Variants in KHDRBS3 observed in about 807,000 individuals in gnomAD.
KHDRBS3 encodes KH domain-containing, RNA-binding, signal transduction-associated protein 3.
In KHDRBS3, 23 loss-of-function variants were observed where a neutral mutation model predicts 45.6. That is an observed-to-expected ratio of 0.50 (90% confidence interval 0.36 to 0.72). The LOEUF is 0.72. Among genes scored for constraint, KHDRBS3 ranks in the 30% least tolerant of loss-of-function variants. The pLI is 0.00. For synonymous variants in KHDRBS3, 162 were observed against 156.5 expected (o/e 1.04, Z -0.26); for missense variants, 352 against 424.8 (o/e 0.83, Z 1.51).
chr8:135,467,406 A>G (rs1183661639), intron 1 of KHDRBS3, among the ~76,000 whole-genome samples: 2 of 152,258 alleles, frequency 1.3e-5, no homozygotes, highest in African/African-American at 4.8e-5. Flanking sequence ...TACAGTTCAC[A>G]TGCTGATGGC....
intron 2 of KHDRBS3, among the ~76,000 whole-genome samples, chr8:135,535,101 C>A (rs1022901219): frequency 1.3e-5 from 2 of 151,860 alleles, no homozygotes; most frequent in Admixed American, 6.6e-5. Context: ...AGTGGATAAC[C>A]AAGATAGCCT....
At chr8:135,591,703 T>G (rs1828752199) in intron 6 of KHDRBS3, among the ~76,000 whole-genome samples, 1 of 152,224 alleles carries the variant, frequency 6.6e-6, no homozygotes. Context: ...TATTTTTTAG[T>G]ATACATGTTG....
intron 1 of KHDRBS3, among the ~76,000 whole-genome samples, chr8:135,517,723 C>T (rs1317202139): frequency 6.6e-6 from 1 of 152,096 alleles, no homozygotes; most frequent in African/African-American, 2.4e-5. Context: ...TGTTTGACTC[C>T]CGCGATGGGG....
chr8:135,588,678 C>T (rs1422113634), intron 6 of KHDRBS3, among the ~76,000 whole-genome samples: 6 of 152,150 alleles, frequency 3.9e-5, no homozygotes, highest in Non-Finnish European at 5.9e-5. Context: ...AAACGCCCTC[C>T]TTTCACTTTT....
At position 135,513,008 on chromosome 8, in the gene KHDRBS3, C is replaced by T. The variant is rs145705708; in HGVS notation, c.89-8229C>T. Among the ~76,000 whole-genome samples, 913 of 151,790 alleles carry T rather than the reference C, an allele frequency of 6.0e-3. 7 individuals carry two copies. Among genetic ancestry groups the T allele is most frequent in the African/African-American group, 0.021 (890 of 41,424 alleles). Reference sequence around the variant, plus strand: ...CGGGCGGATGACAAGGTCAGGAGATCGAGACCACGGTGAAACCCCGTCTCT... The same window carrying T: ...CGGGCGGATGACAAGGTCAGGAGATTGAGACCACGGTGAAACCCCGTCTCT... On this transcript the variant is annotated intron_variant, in intron 1 of 8. Coordinates refer to ENST00000355849, the MANE Select transcript of KHDRBS3 (RefSeq NM_006558.3).
At chr8:135,560,602 C>T (rs1441481713) in intron 5 of KHDRBS3, among the ~76,000 whole-genome samples, 2 of 152,038 alleles carry the variant, frequency 1.3e-5, no homozygotes, top group African/African-American at 2.4e-5. Context: ...ATGTTATGAA[C>T]AGAGGAGGAA....
At chr8:135,505,329 G>C (rs1420144613) in intron 1 of KHDRBS3, among the ~76,000 whole-genome samples, 2 of 152,248 alleles carry the variant, frequency 1.3e-5, no homozygotes, top group Non-Finnish European at 2.9e-5. Flanking sequence ...CTGAGGCTTG[G>C]TCTGTCCTCC....
At position 135,631,455 on chromosome 8, in the gene KHDRBS3, G is replaced by T. The variant is rs796149679; in HGVS notation, c.891-13604G>T. 2.9e-3 allele frequency among the ~76,000 whole-genome samples: 421 copies of T among 147,440 alleles called. 5 individuals are homozygous for T. The highest frequency in any genetic ancestry group is 9.6e-3 in the African/African-American group (386 of 40,274). ...TTTCTGTTTTTAAACTAATGTTTTG[G>T]TTTTTTTTTTAACTTTTTAAACGTT... On this transcript the variant is annotated intron_variant, in intron 7 of 8. Coordinates refer to ENST00000355849, the MANE Select transcript of KHDRBS3 (RefSeq NM_006558.3).
At chr8:135,555,373 A>ATTTT (rs113293183) in intron 4 of KHDRBS3, among the ~76,000 whole-genome samples, 1 of 141,020 alleles carries the variant, frequency 7.1e-6, no homozygotes, top group African/African-American at 2.6e-5. Flanking sequence ...AAACATTGAG[A>ATTTT]TTTTTTTTTT....
chr8:135,549,672 A>T (rs181949541), intron 4 of KHDRBS3: 13 of 152,348 alleles, frequency 8.5e-5, no homozygotes, highest in African/African-American at 3.1e-4. Flanking sequence ...GGCTCTGCAG[A>T]CAATTTATTT....
chr8:135,488,654 G>A (rs1000260043), intron 1 of KHDRBS3, among the ~76,000 whole-genome samples: 3 of 152,156 alleles, frequency 2.0e-5, no homozygotes, highest in Non-Finnish European at 4.4e-5. Context: ...ATATGAGGAA[G>A]CAAGCCTACT....
intron 6 of KHDRBS3, among the ~76,000 whole-genome samples, chr8:135,587,717 A>G (rs886641527): frequency 6.6e-6 from 1 of 152,196 alleles, no homozygotes; most frequent in African/African-American, 2.4e-5. Context: ...GTGTAATTAC[A>G]CAGGAAAGCA....
chr8:135,547,330 C>A (rs1171517346), intron 3 of KHDRBS3, among the ~76,000 whole-genome samples: 1 of 152,094 alleles, frequency 6.6e-6, no homozygotes, highest in Non-Finnish European at 1.5e-5. Context: ...ATATGTTAGG[C>A]AGTGTACTAG....
chr8:135,606,952 T>C lies in KHDRBS3; in HGVS notation c.808-3T>C. The C allele has an allele frequency of 1.2e-6, 2 of 1,609,856 alleles. No homozygotes were observed. The highest frequency in any genetic ancestry group is 1.7e-6 in the Non-Finnish European group (2 of 1,176,622). ...TTTTTGTACTTCTCCTGTTATGTTT[T>C]AGGACTATGATGATGGATATGGCAC... On this transcript the variant is annotated splice_region_variant and splice_polypyrimidine_tract_variant and intron_variant, in intron 6 of 8. Coordinates refer to ENST00000355849, the MANE Select transcript of KHDRBS3 (RefSeq NM_006558.3).
intron 1 of KHDRBS3, among the ~76,000 whole-genome samples, chr8:135,494,500 G>C (rs1159610644): frequency 2.6e-5 from 4 of 151,994 alleles, no homozygotes; most frequent in African/African-American, 9.7e-5. Flanking sequence ...GGATGGTCTA[G>C]ATCTCCTGAC....
At chr8:135,488,435 G>A (rs1563715870) in intron 1 of KHDRBS3, among the ~76,000 whole-genome samples, 1 of 152,120 alleles carries the variant, frequency 6.6e-6, no homozygotes, top group Non-Finnish European at 1.5e-5. Context: ...CTGCAGCCTG[G>A]AGAGACAAAA....
At chr8:135,548,715 A>G in intron 3 of KHDRBS3, 39 bp from the exon 4 acceptor site, 2 of 1,412,490 alleles carry the variant, frequency 1.4e-6, no homozygotes, top group Non-Finnish European at 1.9e-6. Flanking sequence ...TCTTATAATG[A>G]CACGTTTTTA....
intron 6 of KHDRBS3, among the ~76,000 whole-genome samples, chr8:135,606,026 A>G (rs1441057824): frequency 2.0e-5 from 3 of 152,034 alleles, no homozygotes; most frequent in Non-Finnish European, 2.9e-5. Context: ...AATCTTATAA[A>G]GTCTCTATTT....
chr8:135,623,418 C>T (rs903822109), intron 7 of KHDRBS3, among the ~76,000 whole-genome samples: 3 of 152,120 alleles, frequency 2.0e-5, no homozygotes, highest in East Asian at 1.9e-4. Flanking sequence ...TGAAACCTTA[C>T]GCTTAACTAA....
Sources: gnomAD v4.1 joint callset for allele counts (sites outside exome capture counted in the v4.1 genomes callset) on GRCh38, gnomAD v4.1.1 for gene constraint, MANE v1.5 for transcripts, NCBI Gene and HGNC (gene_info 2026-07-23, HGNC 2026-07-21) for gene names.